SPOCK3: variants seen among roughly 807,000 people sequenced by gnomAD.
SPOCK3 encodes SPARC (osteonectin), cwcv and kazal like domains proteoglycan 3.
Under a neutral mutation model 56.6 loss-of-function variants are expected in SPOCK3, and 30 were observed. The observed-to-expected ratio is 0.53, with a 90% confidence interval of 0.40 to 0.72. SPOCK3 has a LOEUF of 0.72. Among genes scored for constraint, SPOCK3 ranks in the 30% least tolerant of loss-of-function variants. The probability of loss-of-function intolerance (pLI) is 0.00; values close to 1 mark genes in which losing one functional copy is unlikely to be tolerated. For synonymous variants in SPOCK3, 196 were observed against 183.3 expected (o/e 1.07, Z -0.56); for missense variants, 527 against 530.0 (o/e 0.99, Z 0.06).
At chr4:167,182,942 T>C (rs539637646) in intron 2 of SPOCK3, among the ~76,000 whole-genome samples, 9 of 152,182 alleles carry the variant, frequency 5.9e-5, no homozygotes, top group Non-Finnish European at 1.3e-4. Context: ...ACAAAGCAGG[T>C]GCCTATCCCT....
At chr4:167,104,224 C>A (rs1385659308) in intron 2 of SPOCK3, among the ~76,000 whole-genome samples, 1 of 152,050 alleles carries the variant, frequency 6.6e-6, no homozygotes, top group East Asian at 1.9e-4. Flanking sequence ...TATGACCTTA[C>A]AAAACGAACT....
chr4:166,777,784 A>G (rs956114745), intron 7 of SPOCK3, among the ~76,000 whole-genome samples: 2 of 152,022 alleles, frequency 1.3e-5, no homozygotes, highest in Admixed American at 1.3e-4. Context: ...AGACCAAAAA[A>G]CCTGGGGTTA....
intron 6 of SPOCK3, among the ~76,000 whole-genome samples, chr4:166,888,467 G>A (rs777847483): frequency 4.6e-5 from 7 of 151,908 alleles, no homozygotes; most frequent in Non-Finnish European, 7.4e-5. Context: ...CAGCCATGGA[G>A]ACTTTTTAAA....
chr4:166,780,602 G>A (rs1740056980), intron 7 of SPOCK3, among the ~76,000 whole-genome samples: 1 of 152,002 alleles, frequency 6.6e-6, no homozygotes, highest in African/African-American at 2.4e-5. Context: ...TTGCACCAAA[G>A]GAAAAGAGTT....
At chr4:166,977,166 A>G (rs10000535) in intron 4 of SPOCK3, among the ~76,000 whole-genome samples, 41,522 of 151,858 alleles carry the variant, frequency 0.27, 6,035 homozygotes, top group African/African-American at 0.37. Context: ...ACTTTACTCA[A>G]AATATATCTT....
chr4:166,872,310 T>A (rs992041105), intron 6 of SPOCK3, among the ~76,000 whole-genome samples: 2 of 152,096 alleles, frequency 1.3e-5, no homozygotes, highest in Non-Finnish European at 2.9e-5. Context: ...ACTGGCTACA[T>A]AGAAAATGCT....
intron 4 of SPOCK3, among the ~76,000 whole-genome samples, chr4:166,915,179 G>A (rs1737713409): frequency 6.6e-6 from 1 of 152,072 alleles, no homozygotes; most frequent in African/African-American, 2.4e-5. Flanking sequence ...TCATGGGAGA[G>A]ATTTTTGCAT....
intron 3 of SPOCK3, among the ~76,000 whole-genome samples, chr4:167,044,881 T>C (rs1753574795): frequency 6.6e-6 from 1 of 152,114 alleles, no homozygotes; most frequent in South Asian, 2.1e-4. Context: ...AAAGGATGTT[T>C]ACTCTGCTGT....
intron 4 of SPOCK3, among the ~76,000 whole-genome samples, chr4:166,917,872 C>G (rs1451998569): frequency 2.0e-5 from 3 of 151,950 alleles, no homozygotes; most frequent in Admixed American, 2.0e-4. Flanking sequence ...CTAATACATA[C>G]CAATATTAAT....
intron 2 of SPOCK3, among the ~76,000 whole-genome samples, chr4:167,121,358 C>T (rs948144519): frequency 1.3e-5 from 2 of 151,652 alleles, no homozygotes; most frequent in Admixed American, 1.3e-4. Flanking sequence ...GTTCTCATCT[C>T]TCTTCGTGTC....
intron 6 of SPOCK3, among the ~76,000 whole-genome samples, chr4:166,868,697 C>T (rs1435743408): frequency 6.6e-6 from 1 of 151,984 alleles, no homozygotes; most frequent in Non-Finnish European, 1.5e-5. Flanking sequence ...AAGAAAAGGA[C>T]AACATTGTTG....
At chr4:167,109,375 TATATAAA>T (rs1160134508) in intron 2 of SPOCK3, among the ~76,000 whole-genome samples, 60 of 24,422 alleles carry the variant, frequency 2.5e-3, no homozygotes, top group East Asian at 0.012. Context: ...TATATATATT[TATATAAA>T]ATATATAAAT....
chr4:167,007,042 T>A (rs1165878719), intron 3 of SPOCK3, among the ~76,000 whole-genome samples: 1 of 152,176 alleles, frequency 6.6e-6, no homozygotes, highest in Non-Finnish European at 1.5e-5. Flanking sequence ...ATAAGCCTGT[T>A]CTCCATCACC....
At chr4:167,204,966 T>G (rs1325892678) in intron 2 of SPOCK3, among the ~76,000 whole-genome samples, 1 of 148,522 alleles carries the variant, frequency 6.7e-6, no homozygotes, top group African/African-American at 2.5e-5. Flanking sequence ...GCTATGTCTA[T>G]GGGTGTTGGG....
At chr4:166,771,432 C>T (rs995537008) in intron 7 of SPOCK3, among the ~76,000 whole-genome samples, 1 of 151,942 alleles carries the variant, frequency 6.6e-6, no homozygotes, top group Non-Finnish European at 1.5e-5. Flanking sequence ...TCTAGATGTG[C>T]ACATTAAGGC....
At chr4:167,233,188 C>G (rs1737361962) in intron 2 of SPOCK3, among the ~76,000 whole-genome samples, 1 of 152,134 alleles carries the variant, frequency 6.6e-6, no homozygotes, top group Admixed American at 6.5e-5. Flanking sequence ...CCATTCAGAT[C>G]AGGTGAGGAA....
intron 4 of SPOCK3, among the ~76,000 whole-genome samples, chr4:166,927,868 A>G (rs1239403753): frequency 6.6e-6 from 1 of 152,208 alleles, no homozygotes; most frequent in East Asian, 1.9e-4. Flanking sequence ...TGAAAATAAT[A>G]TAAAAAACTC....
chr4:166,775,782 T>A (rs939396554), intron 7 of SPOCK3, among the ~76,000 whole-genome samples: 14 of 152,196 alleles, frequency 9.2e-5, no homozygotes, highest in Middle Eastern at 6.3e-3. Context: ...TGGCAAATAG[T>A]ATGAATTTAA....
chr4:167,145,883 T>A (rs576283604), intron 2 of SPOCK3, among the ~76,000 whole-genome samples: 1 of 152,246 alleles, frequency 6.6e-6, no homozygotes, highest in African/African-American at 2.4e-5. Flanking sequence ...CCATAGATGC[T>A]ATGAAGAAAC....
Sources: gnomAD v4.1 joint callset for allele counts (sites outside exome capture counted in the v4.1 genomes callset) on GRCh38, gnomAD v4.1.1 for gene constraint, MANE v1.5 for transcripts, NCBI Gene and HGNC (gene_info 2026-07-23, HGNC 2026-07-21) for gene names.